The following ABCB11 variants were observed in gnomAD, a reference collection of about 807,000 sequenced individuals.
ABCB11 encodes ATP binding cassette subfamily B member 11.
ABCB11 carries 95 observed loss-of-function variants against 148.0 expected under a neutral mutation model. That is an observed-to-expected ratio of 0.64 (90% CI 0.54 to 0.76). ABCB11 has a LOEUF of 0.76. Ranked by LOEUF, ABCB11 falls within the 30% of genes least tolerant of loss-of-function variation. ABCB11 has a pLI of 0.00. For missense variants in ABCB11, 1,523 were observed against 1,617.8 expected (o/e 0.94, Z 1.01); for synonymous variants, 591 against 555.4 (o/e 1.06, Z -0.90).
chr2:169,027,158 C>T (rs1695724570), intron 1 of ABCB11, among the ~76,000 whole-genome samples: 1 of 152,170 alleles, frequency 6.6e-6, no homozygotes, highest in African/African-American at 2.4e-5. Flanking sequence ...ATTATTTTAA[C>T]CTCCCCAAAA....
At chr2:168,915,797 C>T (rs1305437662), downstream of ABCB11, among the ~76,000 whole-genome samples, 1 of 152,236 alleles carries the variant, frequency 6.6e-6, no homozygotes, top group African/African-American at 2.4e-5. Flanking sequence ...ATTGACAAGA[C>T]AATGTCACCT....
intron 18 of ABCB11, among the ~76,000 whole-genome samples, chr2:168,963,698 G>A (rs1458553519): frequency 6.6e-6 from 1 of 151,790 alleles, no homozygotes; most frequent in Non-Finnish European, 1.5e-5. Flanking sequence ...ATCAACAAAT[G>A]TCTGTGAAAC....
rs1229798093 is a variant in ABCB11 at position 168,944,712 on chromosome 2, C to A, written c.2503G>T (p.Gly835Cys). ...ELLTKRLRKF[G>C]FRAMLGQDIA... ...TCTTGCCCCAGCATTGCCCTGAAACCAAATTTACGTAGCCTTTTTGTTAGG... is the reference window on the plus strand; with the variant it reads ...TCTTGCCCCAGCATTGCCCTGAAACAAAATTTACGTAGCCTTTTTGTTAGG... Residue 835 changes from glycine to cysteine, a missense_variant, in exon 21 of 28, where the codon GGT (glycine) becomes TGT (cysteine). Transcript: ENST00000650372. 1 of 1,612,726 alleles carries A rather than the reference C, an allele frequency of 6.2e-7. No homozygotes were observed. Among genetic ancestry groups the A allele is most frequent in the Non-Finnish European group, 8.5e-7 (1 of 1,179,226 alleles).
At chr2:169,018,903 C>A (rs1695449007) in intron 1 of ABCB11, among the ~76,000 whole-genome samples, 1 of 152,134 alleles carries the variant, frequency 6.6e-6, no homozygotes, top group Admixed American at 6.5e-5. Flanking sequence ...CCAGAAATGG[C>A]AGAGAAGTAC....
chr2:169,006,473 T>C lies in ABCB11; in HGVS notation c.389+6799A>G, dbSNP rs558474583. Among the ~76,000 whole-genome samples, 176 of 152,174 alleles carry C rather than the reference T, an allele frequency of 1.2e-3. 10 individuals are homozygous for C. In the South Asian group the frequency reaches 0.036, roughly 31 times the overall value. On this transcript the variant is annotated intron_variant, in intron 5 of 27. Coordinates refer to ENST00000650372, the MANE Select transcript of ABCB11 (RefSeq NM_003742.4). ...AAGACTAAATGCTTTCCCCCTAAGA[T>C]AGGAATAAGACAAGGATGTGTGCTC... is the stretch of plus-strand genomic sequence containing the variant.
At chr2:168,988,464 A>G (rs1306899368) in intron 9 of ABCB11, among the ~76,000 whole-genome samples, 2 of 152,140 alleles carry the variant, frequency 1.3e-5, no homozygotes, top group Admixed American at 1.3e-4. Context: ...ATAGTATTCT[A>G]TTGAATATGG....
chr2:168,951,798 G>C (rs912066261), intron 19 of ABCB11, among the ~76,000 whole-genome samples: 1 of 151,458 alleles, frequency 6.6e-6, no homozygotes, highest in African/African-American at 2.4e-5. Context: ...AAATAAGAGT[G>C]GTGAAAATTG....
chr2:168,930,798 G>A lies in ABCB11; in HGVS notation c.3278C>T (p.Ser1093Leu), dbSNP rs1030004521. The part of the protein sequence containing the change: ...CKFTYPSRPD[S>L]QVLNGLSVSI... Reference sequence around the variant, plus strand: ...CACTGAGAGACCATTCAGAACTTGCGAGTCAGGTCGAGAAGGATATGTAAA... The same window carrying A: ...CACTGAGAGACCATTCAGAACTTGCAAGTCAGGTCGAGAAGGATATGTAAA... The change falls in exon 25 of 28, where the codon TCG (serine) becomes TTG (leucine). Residue 1093 changes from serine (S) to leucine (L), a missense_variant. Coordinates refer to ENST00000650372, the MANE Select transcript of ABCB11 (RefSeq NM_003742.4). 2.6e-5 allele frequency: 42 copies of A among 1,613,030 alleles called. No individual in the cohort carries two copies. The highest frequency in any genetic ancestry group is 6.7e-5 in the African/African-American group (5 of 74,910).
intron 21 of ABCB11, 110 bp from the exon 22 acceptor site, chr2:168,936,543 C>G: frequency 3.3e-6 from 3 of 911,350 alleles, no homozygotes; most frequent in Non-Finnish European, 5.1e-6. Flanking sequence ...ATATACATAA[C>G]AATATATATC....
chr2:168,918,236 G>A (rs1285067037), downstream of ABCB11, among the ~76,000 whole-genome samples: 1 of 152,142 alleles, frequency 6.6e-6, no homozygotes, highest in African/African-American at 2.4e-5. Context: ...AAGATGTATT[G>A]AGGTAGAACT....
At chr2:168,946,220 C>G (rs1313466477) in intron 19 of ABCB11, among the ~76,000 whole-genome samples, 1 of 151,756 alleles carries the variant, frequency 6.6e-6, no homozygotes, top group Admixed American at 6.6e-5. Flanking sequence ...TATTCATTTT[C>G]CTGAATTAAT....
intron 8 of ABCB11, among the ~76,000 whole-genome samples, chr2:168,992,090 A>T (rs1212032870): frequency 6.6e-6 from 1 of 151,796 alleles, no homozygotes; most frequent in Non-Finnish European, 1.5e-5. Context: ...TAACATTAAA[A>T]TTTACATTTG....
chr2:168,971,769 A>C, intron 14 of ABCB11, 78 bp downstream of exon 14: 1 of 1,333,710 alleles, frequency 7.5e-7, no homozygotes, highest in Non-Finnish European at 1.1e-6. Flanking sequence ...TCATACGAGA[A>C]GAAATGTGTA....
Position 168,993,700 on chromosome 2 carries a change from G to A in ABCB11, c.783+11C>T, listed in dbSNP as rs1295831368. 1 of 1,604,346 alleles carries A rather than the reference G, an allele frequency of 6.2e-7. No individual in the cohort carries two copies. The highest frequency in any genetic ancestry group is 1.3e-5 in the African/African-American group (1 of 74,584). ...GTCTTCCCATGGAGAGATGCAAAAA[G>A]ACATTCTTACCAGACCAATGGTGGC... On this transcript the variant is annotated intron_variant, in intron 8 of 27. Coordinates refer to ENST00000650372, the MANE Select transcript of ABCB11 (RefSeq NM_003742.4).
At chr2:168,954,948 T>C (rs1169198276) in intron 19 of ABCB11, among the ~76,000 whole-genome samples, 1 of 151,732 alleles carries the variant, frequency 6.6e-6, no homozygotes, top group Non-Finnish European at 1.5e-5. Flanking sequence ...CTTTTTATTC[T>C]TTTTTCCTTA....
chr2:169,019,885 C>T (rs1312879827), intron 1 of ABCB11, among the ~76,000 whole-genome samples: 1 of 152,148 alleles, frequency 6.6e-6, no homozygotes, highest in African/African-American at 2.4e-5. Context: ...TATTCAGCAT[C>T]TTTACAGACA....
intron 1 of ABCB11, among the ~76,000 whole-genome samples, chr2:169,024,263 G>A (rs921097422): frequency 6.6e-6 from 1 of 152,132 alleles, no homozygotes; most frequent in Non-Finnish European, 1.5e-5. Context: ...AAGGGTTAAT[G>A]TTAGCAAGCT....
intron 1 of ABCB11, among the ~76,000 whole-genome samples, chr2:169,027,907 G>GA (rs968471741): frequency 6.7e-6 from 1 of 149,712 alleles, no homozygotes; most frequent in African/African-American, 2.5e-5. Context: ...AAGAATTGAA[G>GA]AAAAAAAAAG....
chr2:168,974,991 T>C (rs1157743656), intron 12 of ABCB11, among the ~76,000 whole-genome samples: 1 of 146,850 alleles, frequency 6.8e-6, no homozygotes, highest in African/African-American at 2.5e-5. Context: ...TATTTGTACA[T>C]TTGTTATATA....
Sources: gnomAD v4.1 joint callset for allele counts (sites outside exome capture counted in the v4.1 genomes callset) on GRCh38, gnomAD v4.1.1 for gene constraint, MANE v1.5 for transcripts, NCBI Gene and HGNC (gene_info 2026-07-23, HGNC 2026-07-21) for gene names.